Variants in USP35 observed in about 807,000 individuals in gnomAD.
The protein encoded by USP35 is ubiquitin specific peptidase 35, also known as ubiquitin carboxyl-terminal hydrolase 35.
USP35 carries 69 observed loss-of-function variants against 83.8 expected under a neutral mutation model. The ratio of observed to expected loss-of-function variants is 0.82; its 90% CI spans 0.68 to 1.01. The LOEUF (loss-of-function observed/expected upper bound fraction) is 1.01, where lower values mean the gene tolerates loss of function less well. Ranked by LOEUF, USP35 falls within the 50% of genes least tolerant of loss-of-function variation. The pLI, the probability that USP35 is intolerant of heterozygous loss-of-function variation, is 0.00. For synonymous variants in USP35, 714 were observed against 589.5 expected, an observed-to-expected ratio of 1.21 and a Z score of -3.06; for missense variants, 1,503 against 1,362.5, an observed-to-expected ratio of 1.10 and a Z score of -1.62.
chr11:78,223,743 CTT>C, the USP35 span: 1 of 1,350,096 alleles, frequency 7.4e-7, no homozygotes, highest in African/African-American at 1.5e-5. Flanking sequence ...GGGGGTAAGA[CTT>C]TGTAAATGAG....
chr11:78,227,631 C>CACAAAAAAAAAAAAAA, the USP35 span, among the ~76,000 whole-genome samples: 1 of 106,134 alleles, frequency 9.4e-6, no homozygotes, highest in Non-Finnish European at 1.9e-5. Flanking sequence ...CCATTGCCAC[C>CACAAAAAAAAAAAAAA]AAAAAAAAAA....
chr11:78,207,342 C>T (rs1056975374), intron 7 of USP35, 188 bp from the exon 8 acceptor site: 2 of 595,122 alleles, frequency 3.4e-6, no homozygotes, highest in African/African-American at 1.9e-5. Flanking sequence ...GTGTTCCTGA[C>T]CTCAGATACC....
intron 10 of USP35, among the ~76,000 whole-genome samples, chr11:78,212,968 C>T (rs953365891): frequency 3.3e-5 from 5 of 152,140 alleles, no homozygotes; most frequent in African/African-American, 1.2e-4. Flanking sequence ...TCCCTAGAGT[C>T]AAGGGTGGCA....
intron 5 of USP35, 98 bp from the exon 6 acceptor site, chr11:78,200,552 C>T: frequency 3.3e-6 from 5 of 1,503,158 alleles, no homozygotes; most frequent in Non-Finnish European, 4.4e-6. Flanking sequence ...GCAAGCCTCC[C>T]TACCTCAGAG....
chr11:78,228,871 ATGT>A, the USP35 span, among the ~76,000 whole-genome samples: 17 of 152,228 alleles, frequency 1.1e-4, no homozygotes, highest in Non-Finnish European at 1.9e-4. Flanking sequence ...TAAGGTGTTA[ATGT>A]TGTATGCATT....
chr11:78,222,697 C>T, the USP35 span, among the ~76,000 whole-genome samples: 3 of 152,014 alleles, frequency 2.0e-5, no homozygotes, highest in Non-Finnish European at 4.4e-5. Flanking sequence ...ATTCTCCTGC[C>T]TCAGCCTCCC....
the USP35 span, among the ~76,000 whole-genome samples, chr11:78,231,328 G>A: frequency 1.7e-5 from 2 of 121,188 alleles, no homozygotes; most frequent in South Asian, 2.7e-4. Context: ...GCGCGCGCGC[G>A]CGTGTGTGGT....
Position 78,209,520 on chromosome 11 carries a change from C to T in USP35, c.1665C>T (p.Pro555=), listed in dbSNP as rs376772946. 17 of 1,614,072 alleles carry T rather than the reference C, an allele frequency of 1.1e-5. No homozygotes were observed. The highest frequency in any genetic ancestry group is 6.7e-5 in the Admixed American group (4 of 60,026). The change falls in exon 10 of 11, where the codon CCC becomes CCT. Residue 555 remains proline, a synonymous_variant. Transcript: ENST00000529308. The part of the protein sequence containing the change: ...KLKQSSSPSP[P]EEPPAPSSTS... ...AGCAGTCCAGCTCGCCCTCTCCGCC[C>T]GAGGAGCCCCCGGCCCCAAGTTCAA...
At chr11:78,223,447 G>T in the USP35 span, 1 of 1,579,572 alleles carries the variant, frequency 6.3e-7, no homozygotes, top group African/African-American at 1.4e-5. Flanking sequence ...GTTGACAGGG[G>T]GTGGCTGAAT....
At position 78,215,094 on chromosome 11, in the gene USP35, G is replaced by A. The variant is rs115310340; in HGVS notation, c.*1281G>A. Among the ~76,000 whole-genome samples the A allele has an allele frequency of 0.02, 3,056 of 152,266 alleles. 98 individuals carry two copies. Among genetic ancestry groups the A allele is most frequent in the African/African-American group, 0.069 (2,869 of 41,534 alleles). ...CAGACACGCCCAGAACCCATCTCTA[G>A]ACGCCTAAGAAAGCTGGATGGGTAA... is the stretch of plus-strand genomic sequence containing the variant. On this transcript the variant is annotated 3_prime_UTR_variant, in exon 11 of 11. Transcript: ENST00000529308.
chr11:78,226,996 C>T, the USP35 span: 763 of 1,613,564 alleles, frequency 4.7e-4, no homozygotes, highest in Non-Finnish European at 6.1e-4. Context: ...TTTTGTACAG[C>T]TGTGTCACTC....
chr11:78,205,516 C>T (rs1330463693), intron 6 of USP35, among the ~76,000 whole-genome samples: 1 of 152,196 alleles, frequency 6.6e-6, no homozygotes, highest in Non-Finnish European at 1.5e-5. Flanking sequence ...TCTTTTATAG[C>T]ACATGCATAT....
chr11:78,229,270 C>CTCA, the USP35 span, among the ~76,000 whole-genome samples: 12,010 of 152,138 alleles, frequency 0.079, 658 homozygotes, highest in Non-Finnish European at 0.12. Flanking sequence ...TAGTTGAAGG[C>CTCA]TCAAAGATGT....
At position 78,210,488 on chromosome 11, in the gene USP35, T is replaced by C; in HGVS notation, c.2633T>C (p.Leu878Pro). Reference sequence around the variant, plus strand: ...GGCGCTGCCCGCCCTGCCGCTTCTCTGGGAACTGCCGATAGGCCAGAGCCC... The same window carrying C: ...GGCGCTGCCCGCCCTGCCGCTTCTCCGGGAACTGCCGATAGGCCAGAGCCC... ...REGAARPAAS[L>P]GTADRPEPEN... Residue 878 changes from leucine to proline, a missense_variant, in exon 10 of 11, where the codon CTG (leucine) becomes CCG (proline). Physicochemically the swap from Leu to Pro is moderately conservative, Grantham distance 98 (BLOSUM62 -3). Coordinates refer to ENST00000529308, the MANE Select transcript of USP35 (RefSeq NM_020798.4). 6.2e-7 allele frequency: 1 copy of C among 1,614,208 alleles called. No homozygotes were observed. The highest frequency in any genetic ancestry group is 8.5e-7 in the Non-Finnish European group (1 of 1,179,996).
chr11:78,199,529 G>A lies in USP35; in HGVS notation c.807-66G>A, dbSNP rs1863269808. ...ACCCAGGACATTACGGATAGCCCCT[G>A]GGCTGCCCTCACCCCAGCATTTTGG... is the stretch of plus-strand genomic sequence containing the variant. On this transcript the variant is annotated intron_variant, in intron 3 of 10. Transcript: ENST00000529308. 5.0e-6 allele frequency: 8 copies of A among 1,607,878 alleles called. No homozygotes were observed. The South Asian group carries it at 8.9e-5, about 18-fold the overall frequency.
At chr11:78,222,009 G>C in the USP35 span, 2 of 835,374 alleles carry the variant, frequency 2.4e-6, no homozygotes, top group Non-Finnish European at 4.2e-6. Context: ...GTTAGCATCA[G>C]AATCCAGCTG....
At chr11:78,219,069 C>T, downstream of USP35, 1 of 553,428 alleles carries the variant, frequency 1.8e-6, no homozygotes, top group Admixed American at 3.2e-5. Context: ...CAGCTGGGCC[C>T]CGAGTGGGCA....
downstream of USP35, chr11:78,216,103 C>G (rs560319789): frequency 1.3e-5 from 2 of 152,820 alleles, no homozygotes; most frequent in African/African-American, 4.8e-5. Context: ...CTTCAAGCAG[C>G]TGAGCACCAG....
At chr11:78,207,812 C>A (rs2134408869) in intron 8 of USP35, among the ~76,000 whole-genome samples, 189 bp downstream of exon 8, 1 of 152,344 alleles carries the variant, frequency 6.6e-6, no homozygotes, top group South Asian at 2.1e-4. Context: ...GGCGGGCCCC[C>A]TTGAGCCCTG....
Sources: allele counts gnomAD v4.1 joint callset (sites outside exome capture counted in the v4.1 genomes callset), GRCh38; gene constraint gnomAD v4.1.1; transcripts MANE v1.5; gene names NCBI Gene and HGNC (gene_info 2026-07-23, HGNC 2026-07-21).